The following SGPP2 variants were observed in gnomAD, a reference collection of about 807,000 sequenced individuals.
The protein encoded by SGPP2 is sphingosine 1-phosphate phosphohydrolase 2.
Under a neutral mutation model 33.9 loss-of-function variants are expected in SGPP2, and 30 were observed. The ratio of observed to expected loss-of-function variants is 0.89; its 90% CI spans 0.66 to 1.20. The LOEUF (loss-of-function observed/expected upper bound fraction) is 1.20. Ranked by LOEUF, SGPP2 falls within the 50% of genes most tolerant of loss-of-function variation. The pLI, the probability that SGPP2 is intolerant of heterozygous loss-of-function variation, is 0.00. For missense variants in SGPP2, 458 were observed against 532.1 expected, an observed-to-expected ratio of 0.86 and a Z score of 1.37; for synonymous variants, 233 against 225.0, an observed-to-expected ratio of 1.04 and a Z score of -0.32.
intron 4 of SGPP2, among the ~76,000 whole-genome samples, chr2:222,554,120 C>T (rs939630503): frequency 2.6e-5 from 4 of 152,198 alleles, no homozygotes; most frequent in Non-Finnish European, 5.9e-5. Flanking sequence ...ATTCACATGA[C>T]ACAAAATTCA....
rs938410747 is a variant in SGPP2 at position 222,424,787 on chromosome 2, C to T, written c.185C>T (p.Pro62Leu). 100 of 1,396,224 alleles carry T rather than the reference C, an allele frequency of 7.2e-5. 1 individual carries two copies. In the Middle Eastern group the frequency reaches 7.7e-4, roughly 11 times the overall value. 86.5% of individuals were successfully genotyped at this position (1,396,224 alleles called of 1,614,324 possible). A position where few individuals can be genotyped will look rare whatever the true frequency, so the allele number is the denominator to read the frequency against. ...PAANGKGGEA[P>L]ANGLRRAAAP... is the part of the protein sequence containing the mutation. The stretch of plus-strand genomic sequence containing the variant: ...GCCAACGGCAAGGGCGGCGAGGCTC[C>T]GGCCAACGGGCTGCGCAGAGCCGCG... The change falls in exon 1 of 5, where the codon CCG becomes CTG. Residue 62 changes from proline to leucine, a missense_variant. Physicochemically the swap from Pro to Leu is moderately conservative, Grantham distance 98. Transcript: ENST00000321276.
At chr2:222,442,013 C>G (rs1334576267) in intron 1 of SGPP2, among the ~76,000 whole-genome samples, 1 of 152,170 alleles carries the variant, frequency 6.6e-6, no homozygotes, top group Non-Finnish European at 1.5e-5. Flanking sequence ...TCTGTCCAAG[C>G]AACCACATGA....
chr2:222,506,009 G>T (rs2395872), intron 2 of SGPP2, among the ~76,000 whole-genome samples: 1 of 151,580 alleles, frequency 6.6e-6, no homozygotes, highest in African/African-American at 2.4e-5. Flanking sequence ...TATATATGAC[G>T]CCAGTCACAG....
At position 222,509,433 on chromosome 2, in the gene SGPP2, T is replaced by TAAATATATGTAGCTTA. The variant is rs1435224637; in HGVS notation, c.379-12332_379-12331insATATATGTAGCTTAAA. ...TTGATAAGAGCAATATTTTAGGCAT[T>TAAATATATGTAGCTTA]AATAAATATAATGTAGCTTTTAAAG... On this transcript the variant is annotated intron_variant, in intron 2 of 4. Transcript: ENST00000321276. 1.1e-3 allele frequency among the ~76,000 whole-genome samples: 175 copies of TAAATATATGTAGCTTA among 152,330 alleles called. 1 individual carries two copies. The highest frequency in any genetic ancestry group is 7.6e-4 in the Non-Finnish European group (52 of 68,028).
At chr2:222,521,713 A>G (rs1202271118) in intron 2 of SGPP2, 54 bp from the exon 3 acceptor site, 2 of 1,546,208 alleles carry the variant, frequency 1.3e-6, no homozygotes, top group East Asian at 4.9e-5. Context: ...ACATTTGGAA[A>G]TGCATTCATT....
At chr2:222,488,368 C>T (rs1181726198) in intron 2 of SGPP2, among the ~76,000 whole-genome samples, 1 of 152,182 alleles carries the variant, frequency 6.6e-6, no homozygotes, top group African/African-American at 2.4e-5. Flanking sequence ...TCAGCAGTGG[C>T]ATTAGATTCT....
At chr2:222,526,459 A>T (rs1217322899) in intron 4 of SGPP2, among the ~76,000 whole-genome samples, 1 of 152,168 alleles carries the variant, frequency 6.6e-6, no homozygotes, top group Non-Finnish European at 1.5e-5. Flanking sequence ...GAAGGAGGGG[A>T]GGAGGGCGTT....
intron 2 of SGPP2, among the ~76,000 whole-genome samples, chr2:222,478,126 G>A (rs11692185): frequency 0.2 from 28,764 of 147,132 alleles, 3,979 homozygotes; most frequent in African/African-American, 0.4. Context: ...TAGTGTGTGC[G>A]TTCCTGCCAG....
At chr2:222,534,330 A>G (rs1050896765) in intron 4 of SGPP2, among the ~76,000 whole-genome samples, 3 of 152,262 alleles carry the variant, frequency 2.0e-5, no homozygotes, top group Non-Finnish European at 4.4e-5. Flanking sequence ...ATGAACAAAC[A>G]GTGAATACTT....
chr2:222,500,756 C>T (rs1698354774), intron 2 of SGPP2, among the ~76,000 whole-genome samples: 1 of 152,190 alleles, frequency 6.6e-6, no homozygotes, highest in Non-Finnish European at 1.5e-5. Flanking sequence ...CTTTGTTAGC[C>T]TTCATATTGA....
intron 2 of SGPP2, among the ~76,000 whole-genome samples, chr2:222,494,256 C>T (rs891581011): frequency 6.6e-6 from 1 of 152,086 alleles, no homozygotes; most frequent in Non-Finnish European, 1.5e-5. Flanking sequence ...ATCCCAGCTG[C>T]ACTGAGCACT....
intron 4 of SGPP2, among the ~76,000 whole-genome samples, chr2:222,551,927 A>T (rs1419793234): frequency 1.3e-5 from 2 of 152,186 alleles, no homozygotes; most frequent in Non-Finnish European, 2.9e-5. Context: ...GGATCCTCAT[A>T]ATTTACCTCC....
At chr2:222,436,514 C>A (rs1437549916) in intron 1 of SGPP2, among the ~76,000 whole-genome samples, 1 of 152,148 alleles carries the variant, frequency 6.6e-6, no homozygotes, top group Non-Finnish European at 1.5e-5. Context: ...AAAGGCCATA[C>A]CAGCATTCTG....
At chr2:222,523,422 T>C (rs1207884885) in intron 3 of SGPP2, among the ~76,000 whole-genome samples, 1 of 152,266 alleles carries the variant, frequency 6.6e-6, no homozygotes, top group Middle Eastern at 3.4e-3. Flanking sequence ...TTGATCTTGG[T>C]GCCCAGAGAA....
rs559823055 is a variant in SGPP2, at chr2:222,489,938, C to T, written c.378+15212C>T. On this transcript the variant is annotated intron_variant, in intron 2 of 4. Transcript: ENST00000321276. ...CGAGATCATGCCATTGCACTCCAGC[C>T]TGGGCAACAAAAGCAAAACTCTGTC... Among the ~76,000 whole-genome samples the T allele has an allele frequency of 2.2e-4, 34 of 152,228 alleles. No individual in the cohort carries two copies. In the South Asian group the frequency reaches 6.8e-3, roughly 31 times the overall value.
At chr2:222,509,682 C>A (rs528460805) in intron 2 of SGPP2, among the ~76,000 whole-genome samples, 4 of 152,032 alleles carry the variant, frequency 2.6e-5, no homozygotes, top group Non-Finnish European at 5.9e-5. Flanking sequence ...CATTTTGGAA[C>A]AAGAGACTTC....
chr2:222,469,253 G>T (rs549593450), intron 1 of SGPP2, among the ~76,000 whole-genome samples: 1 of 152,052 alleles, frequency 6.6e-6, no homozygotes, highest in Non-Finnish European at 1.5e-5. Flanking sequence ...GCGTGATCTC[G>T]GCTCACCGCA....
At chr2:222,548,550 T>C (rs915040725) in intron 4 of SGPP2, among the ~76,000 whole-genome samples, 5 of 151,982 alleles carry the variant, frequency 3.3e-5, no homozygotes, top group Non-Finnish European at 7.3e-5. Context: ...AGGACGGTCA[T>C]GACATGGAAA....
intron 1 of SGPP2, among the ~76,000 whole-genome samples, chr2:222,473,142 G>C (rs1394421028): frequency 6.6e-6 from 1 of 152,248 alleles, no homozygotes; most frequent in East Asian, 1.9e-4. Flanking sequence ...AAGCAAGATA[G>C]AGTCAGCCAG....
Sources: gnomAD v4.1 joint callset for allele counts (sites outside exome capture counted in the v4.1 genomes callset) on GRCh38, gnomAD v4.1.1 for gene constraint, MANE v1.5 for transcripts, NCBI Gene and HGNC (gene_info 2026-07-23, HGNC 2026-07-21) for gene names.